Variants in RAB27A observed in about 807,000 individuals in gnomAD.
RAB27A encodes ras-related protein Rab-27A.
A neutral mutation model predicts 20.8 loss-of-function variants in RAB27A; 17 were observed. The ratio of observed to expected loss-of-function variants is 0.82; its 90% CI spans 0.56 to 1.23. The LOEUF (loss-of-function observed/expected upper bound fraction) is 1.23, where lower values mean the gene tolerates loss of function less well. Ranked by LOEUF, RAB27A falls within the 50% of genes most tolerant of loss-of-function variation. The pLI is 0.00. For synonymous variants in RAB27A, 85 were observed against 92.8 expected, an observed-to-expected ratio of 0.92 and a Z score of 0.48; for missense variants, 277 against 266.7, an observed-to-expected ratio of 1.04 and a Z score of -0.27.
At position 55,205,196 on chromosome 15, in the gene RAB27A, A is replaced by C. The variant is rs1160837234; in HGVS notation, c.*311T>G. ...GTGACAGTACCCTCATTCATTCTACATAATAAATACACTCTTCTGTGACTG... is the reference window on the plus strand; with the variant it reads ...GTGACAGTACCCTCATTCATTCTACCTAATAAATACACTCTTCTGTGACTG... On this transcript the variant is annotated 3_prime_UTR_variant, in exon 7 of 7. Transcript: ENST00000336787. The C allele has an allele frequency of 2.5e-6, 1 of 398,604 alleles. No individual in the cohort carries two copies. The highest frequency in any genetic ancestry group is 2.0e-5 in the African/African-American group (1 of 48,934). 24.7% of individuals were successfully genotyped at this position (398,604 alleles called of 1,614,324 possible).
At chr15:55,294,688 A>G (rs1173250175), upstream of RAB27A, among the ~76,000 whole-genome samples, 1 of 152,060 alleles carries the variant, frequency 6.6e-6, no homozygotes, top group Non-Finnish European at 1.5e-5. Flanking sequence ...TTAACTCAAA[A>G]TGAATCAAAT....
intron 2 of RAB27A, among the ~76,000 whole-genome samples, chr15:55,307,401 G>T (rs758043248): frequency 2.0e-5 from 3 of 151,970 alleles, no homozygotes; most frequent in Non-Finnish European, 2.9e-5. Flanking sequence ...CATGCGAGGT[G>T]GGTTTCCTGG....
intron 2 of RAB27A, among the ~76,000 whole-genome samples, chr15:55,294,940 T>C (rs1353886997): frequency 2.0e-5 from 3 of 152,106 alleles, no homozygotes; most frequent in Non-Finnish European, 4.4e-5. Flanking sequence ...ATCATATATA[T>C]CTGATAAAAT....
At position 55,253,688 on chromosome 15, in the gene RAB27A, G is replaced by A. The variant is rs138908502; in HGVS notation, c.-23+16477C>T. ...GAAGCCTAGAGGTTAAGAACATAAG[G>A]GCTAAAATAAGCAGGCAAGAGGGTG... is the stretch of plus-strand genomic sequence containing the variant. On this transcript the variant is annotated intron_variant, in intron 2 of 6. Coordinates refer to ENST00000336787, the MANE Select transcript of RAB27A (RefSeq NM_183235.3). 3.8e-3 allele frequency among the ~76,000 whole-genome samples: 583 copies of A among 151,984 alleles called. 1 individual carries two copies. Among genetic ancestry groups the A allele is most frequent in the African/African-American group, 0.014 (561 of 41,460 alleles).
At position 55,254,355 on chromosome 15, in the gene RAB27A, G is replaced by C. The variant is rs919081907; in HGVS notation, c.-23+15810C>G. Among the ~76,000 whole-genome samples, 10 of 151,852 alleles carry C rather than the reference G, an allele frequency of 6.6e-5. No individual in the cohort carries two copies. The South Asian group carries it at 2.1e-3, about 32-fold the overall frequency. On this transcript the variant is annotated intron_variant, in intron 2 of 6. Transcript: ENST00000336787. ...AAATAAACCAACACATCTAACAATA[G>C]GCCTCAATGGTACTAATCTATTTTC... is the stretch of plus-strand genomic sequence containing the variant.
At chr15:55,242,070 A>G (rs747350335) in intron 2 of RAB27A, among the ~76,000 whole-genome samples, 5 of 152,112 alleles carry the variant, frequency 3.3e-5, no homozygotes, top group Admixed American at 6.6e-5. Context: ...AGTGAATCAT[A>G]GACTCCAACC....
chr15:55,296,939 G>A (rs908368596), intron 2 of RAB27A, among the ~76,000 whole-genome samples: 16 of 152,010 alleles, frequency 1.1e-4, no homozygotes, highest in Non-Finnish European at 2.2e-4. Context: ...CCAGGGCACT[G>A]TCAACCTAAA....
At chr15:55,312,653 GAAAA>G (rs879338815) in intron 2 of RAB27A, among the ~76,000 whole-genome samples, 1 of 145,962 alleles carries the variant, frequency 6.9e-6, no homozygotes. Flanking sequence ...TCTTCACCAG[GAAAA>G]AAAAAAACTC....
intron 1 of RAB27A, among the ~76,000 whole-genome samples, chr15:55,288,317 T>A (rs1200452881): frequency 6.6e-6 from 1 of 151,964 alleles, no homozygotes; most frequent in East Asian, 1.9e-4. Context: ...GGTCAGGAGT[T>A]CAAGACCAGC....
At chr15:55,294,584 T>A (rs1267072148), upstream of RAB27A, among the ~76,000 whole-genome samples, 2 of 84,902 alleles carry the variant, frequency 2.4e-5, no homozygotes, top group African/African-American at 9.5e-5. Context: ...CAAAACCCTG[T>A]CTCCGAAAAA....
intron 3 of RAB27A, among the ~76,000 whole-genome samples, chr15:55,230,730 T>C (rs1330221914): frequency 6.6e-6 from 1 of 152,136 alleles, no homozygotes; most frequent in Admixed American, 6.5e-5. Context: ...ACAACTTGTA[T>C]AAAATATAAT....
At chr15:55,218,398 C>T (rs1308085451) in intron 6 of RAB27A, among the ~76,000 whole-genome samples, 1 of 152,164 alleles carries the variant, frequency 6.6e-6, no homozygotes, top group Non-Finnish European at 1.5e-5. Flanking sequence ...AATGCTACAT[C>T]GCTAAGTTAT....
chr15:55,230,058 C>T (rs748142303), intron 4 of RAB27A, among the ~76,000 whole-genome samples: 10 of 152,060 alleles, frequency 6.6e-5, no homozygotes, highest in South Asian at 2.1e-4. Flanking sequence ...CCAGATATCC[C>T]ACTAGATTTC....
chr15:55,257,426 C>A (rs1220842012), intron 2 of RAB27A, among the ~76,000 whole-genome samples: 4 of 152,292 alleles, frequency 2.6e-5, no homozygotes, highest in Non-Finnish European at 4.4e-5. Flanking sequence ...TGAACAAGAC[C>A]AAGGATAACA....
chr15:55,291,249 G>A (rs1450464872), upstream of RAB27A, among the ~76,000 whole-genome samples: 1 of 152,122 alleles, frequency 6.6e-6, no homozygotes, highest in Non-Finnish European at 1.5e-5. Flanking sequence ...GGTGGCTCAC[G>A]CCTGTAATCC....
chr15:55,208,118 A>C (rs1326535570), intron 6 of RAB27A, among the ~76,000 whole-genome samples: 1 of 152,222 alleles, frequency 6.6e-6, no homozygotes, highest in Non-Finnish European at 1.5e-5. Flanking sequence ...AATTTACCTA[A>C]ACGTCCATCA....
chr15:55,257,025 T>C (rs980640756), intron 2 of RAB27A, among the ~76,000 whole-genome samples: 11 of 152,230 alleles, frequency 7.2e-5, no homozygotes, highest in African/African-American at 1.9e-4. Context: ...TTTAAAATAA[T>C]AGAACAGAGT....
At chr15:55,298,017 A>G (rs553722797) in intron 2 of RAB27A, among the ~76,000 whole-genome samples, 2 of 152,100 alleles carry the variant, frequency 1.3e-5, no homozygotes, top group African/African-American at 4.8e-5. Flanking sequence ...CCTGGCTAAC[A>G]CAGTGAAACC....
At chr15:55,222,540 AG>A (rs1375010119) in intron 6 of RAB27A, among the ~76,000 whole-genome samples, 1 of 152,142 alleles carries the variant, frequency 6.6e-6, no homozygotes, top group Non-Finnish European at 1.5e-5. Flanking sequence ...CCTGTCCTCC[AG>A]GGATCAAATC....
Sources: gnomAD v4.1 joint callset for allele counts (sites outside exome capture counted in the v4.1 genomes callset) on GRCh38, gnomAD v4.1.1 for gene constraint, MANE v1.5 for transcripts, NCBI Gene and HGNC (gene_info 2026-07-23, HGNC 2026-07-21) for gene names.